The following TBL1XR1 variants were observed in gnomAD, a reference collection of about 807,000 sequenced individuals.
TBL1XR1 encodes the protein F-box-like/WD repeat-containing protein TBL1XR1.
Under a neutral mutation model 66.9 loss-of-function variants are expected in TBL1XR1, and 5 were observed. The ratio of observed to expected loss-of-function variants is 0.07; its 90% CI spans 0.04 to 0.16. The LOEUF (loss-of-function observed/expected upper bound fraction) is 0.16, where lower values mean the gene tolerates loss of function less well. TBL1XR1 is among the 10% of genes least tolerant of loss of function. The pLI, the probability that TBL1XR1 is intolerant of heterozygous loss-of-function variation, is 1.00. For synonymous variants in TBL1XR1, 210 were observed against 206.0 expected (o/e 1.02, Z -0.17); for missense variants, 238 against 623.2 (o/e 0.38, Z 6.58).
At chr3:177,028,204 A>G (rs186675947) in intron 14 of TBL1XR1, among the ~76,000 whole-genome samples, 1 of 152,290 alleles carries the variant, frequency 6.6e-6, no homozygotes, top group East Asian at 1.9e-4. Flanking sequence ...CATACAAGAA[A>G]GGGGAAAACA....
intron 1 of TBL1XR1, among the ~76,000 whole-genome samples, chr3:177,143,407 T>C (rs1729858813): frequency 6.6e-6 from 1 of 152,074 alleles, no homozygotes; most frequent in Non-Finnish European, 1.5e-5. Flanking sequence ...AGGAATATTA[T>C]AGGCAAAGAT....
chr3:177,037,957 G>C, intron 12 of TBL1XR1, 141 bp downstream of exon 12: 1 of 636,212 alleles, frequency 1.6e-6, no homozygotes. Flanking sequence ...AAAAAACAAT[G>C]GTTAGCCATT....
At chr3:177,112,881 G>A (rs1258890250) in intron 1 of TBL1XR1, among the ~76,000 whole-genome samples, 1 of 151,840 alleles carries the variant, frequency 6.6e-6, no homozygotes, top group African/African-American at 2.4e-5. Flanking sequence ...CATGTGCCTG[G>A]AGTCGCAGCT....
At chr3:177,175,377 A>C (rs1734034946) in intron 1 of TBL1XR1, among the ~76,000 whole-genome samples, 1 of 152,240 alleles carries the variant, frequency 6.6e-6, no homozygotes, top group Admixed American at 6.5e-5. Context: ...CATGAAACAG[A>C]ATGTAACAAA....
intron 1 of TBL1XR1, among the ~76,000 whole-genome samples, chr3:177,108,607 A>G (rs187686985): frequency 2.3e-4 from 35 of 152,324 alleles, no homozygotes; most frequent in African/African-American, 8.4e-4. Flanking sequence ...AGTAATACTA[A>G]TATCAGTTAA....
chr3:177,083,078 A>G (rs1721644292), intron 2 of TBL1XR1, among the ~76,000 whole-genome samples: 1 of 152,102 alleles, frequency 6.6e-6, no homozygotes, highest in Non-Finnish European at 1.5e-5. Flanking sequence ...CACAATAAAA[A>G]TCATACAGCA....
At chr3:177,103,052 TAGAGAA>T (rs1245372807) in intron 1 of TBL1XR1, among the ~76,000 whole-genome samples, 1 of 152,182 alleles carries the variant, frequency 6.6e-6, no homozygotes, top group African/African-American at 2.4e-5. Flanking sequence ...TGTCTAGATA[TAGAGAA>T]ATAGATATAA....
chr3:177,189,587 G>A (rs1735861339), intron 1 of TBL1XR1, among the ~76,000 whole-genome samples: 3 of 150,060 alleles, frequency 2.0e-5, no homozygotes, highest in African/African-American at 2.5e-5. Context: ...CCCAGGGGGC[G>A]GAGGTTGCAG....
At chr3:177,156,084 A>G (rs1168275021) in intron 1 of TBL1XR1, among the ~76,000 whole-genome samples, 2 of 150,642 alleles carry the variant, frequency 1.3e-5, no homozygotes, top group African/African-American at 4.9e-5. Context: ...TACAGGATAA[A>G]CTTTCTTAGA....
intron 1 of TBL1XR1, among the ~76,000 whole-genome samples, chr3:177,187,251 A>G (rs1277562811): frequency 6.7e-6 from 1 of 149,044 alleles, no homozygotes; most frequent in Non-Finnish European, 1.5e-5. Context: ...AAAATTAGCC[A>G]TGTGTGGTGG....
At chr3:177,183,460 A>G (rs893076358) in intron 1 of TBL1XR1, among the ~76,000 whole-genome samples, 2 of 152,330 alleles carry the variant, frequency 1.3e-5, no homozygotes, top group Middle Eastern at 6.8e-3. Context: ...AGCAGTTGTC[A>G]GTTGTCAACC....
intron 1 of TBL1XR1, among the ~76,000 whole-genome samples, chr3:177,148,714 AAAT>A (rs1730530905): frequency 6.6e-6 from 1 of 151,090 alleles, no homozygotes. Flanking sequence ...AAAAAAATAA[AAAT>A]AATAAAAATT....
rs146938247 is a variant in TBL1XR1, at chr3:177,188,328, C to G, written c.-122+8793G>C. 1.9e-3 allele frequency among the ~76,000 whole-genome samples: 291 copies of G among 152,232 alleles called. 1 individual carries two copies. Among genetic ancestry groups the G allele is most frequent in the African/African-American group, 6.9e-3 (288 of 41,564 alleles). On this transcript the variant is annotated intron_variant, in intron 1 of 15. Coordinates refer to ENST00000457928, the MANE Select transcript of TBL1XR1 (RefSeq NM_024665.7). ...CTTTGGGAGGCCAAGGTGGGCAGAT[C>G]ACCTGAGGTCAGAGGTTCAAACCAG...
At chr3:177,126,785 A>G (rs147816544) in intron 1 of TBL1XR1, among the ~76,000 whole-genome samples, 84 of 145,628 alleles carry the variant, frequency 5.8e-4, no homozygotes, top group Non-Finnish European at 9.3e-4. Flanking sequence ...TAAAATCAAT[A>G]TATCCTTGAT....
At position 177,034,374 on chromosome 3, in the gene TBL1XR1, A is replaced by G. The variant is rs1345404371; in HGVS notation, c.1123-49T>C. On this transcript the variant is annotated intron_variant, in intron 12 of 15. Coordinates refer to ENST00000457928, the MANE Select transcript of TBL1XR1 (RefSeq NM_024665.7). The stretch of plus-strand genomic sequence containing the variant: ...ACAATTATTTTTCCATACAATGAGT[A>G]TATTTAAAATATTATTTTGACACTT... 6 of 1,305,346 alleles carry G rather than the reference A, an allele frequency of 4.6e-6. No homozygotes were observed. In the Admixed American group the frequency reaches 1.9e-4, roughly 42 times the overall value. 80.9% of individuals were successfully genotyped at this position (1,305,346 alleles called of 1,614,324 possible).
intron 3 of TBL1XR1, among the ~76,000 whole-genome samples, chr3:177,062,621 A>C (rs1560131028): frequency 6.6e-6 from 1 of 152,214 alleles, no homozygotes; most frequent in Non-Finnish European, 1.5e-5. Flanking sequence ...TGATTTTCAC[A>C]TTTTTAGAGA....
intron 9 of TBL1XR1, 129 bp downstream of exon 9, chr3:177,047,171 T>C: frequency 1.4e-6 from 1 of 736,440 alleles, no homozygotes; most frequent in South Asian, 2.1e-5. Flanking sequence ...CTAAGGAGTA[T>C]TTCTAGCATA....
At chr3:177,161,479 C>T (rs1430343187) in intron 1 of TBL1XR1, among the ~76,000 whole-genome samples, 1 of 152,056 alleles carries the variant, frequency 6.6e-6, no homozygotes, top group Non-Finnish European at 1.5e-5. Flanking sequence ...TAATGTCAAA[C>T]CCTACATAAA....
chr3:177,037,335 G>A, intron 12 of TBL1XR1: 1 of 152,302 alleles, frequency 6.6e-6, no homozygotes, highest in South Asian at 2.1e-4. Context: ...TTTATAGCAT[G>A]ACCTTTCTTA....
Sources: allele counts gnomAD v4.1 joint callset (sites outside exome capture counted in the v4.1 genomes callset), GRCh38; gene constraint gnomAD v4.1.1; transcripts MANE v1.5; gene names NCBI Gene and HGNC (gene_info 2026-07-23, HGNC 2026-07-21).